The following UBE2E1 variants were observed in gnomAD, a reference collection of about 807,000 sequenced individuals.
The protein encoded by UBE2E1 is ubiquitin conjugating enzyme E2 E1, also known as ubiquitin-conjugating enzyme E2 E1.
A neutral mutation model predicts 21.4 loss-of-function variants in UBE2E1; 6 were observed. That is an observed-to-expected ratio of 0.28 (90% CI 0.15 to 0.55). The LOEUF (loss-of-function observed/expected upper bound fraction) is 0.55. Ranked by LOEUF, UBE2E1 falls within the 20% of genes least tolerant of loss-of-function variation. The pLI, the probability that UBE2E1 is intolerant of heterozygous loss-of-function variation, is 0.93. For synonymous variants in UBE2E1, 87 were observed against 82.7 expected, an observed-to-expected ratio of 1.05 and a Z score of -0.28; for missense variants, 142 against 236.5, an observed-to-expected ratio of 0.60 and a Z score of 2.62.
At chr3:23,852,492 G>A (rs1320210030) in intron 3 of UBE2E1, among the ~76,000 whole-genome samples, 3 of 152,114 alleles carry the variant, frequency 2.0e-5, no homozygotes, top group Non-Finnish European at 4.4e-5. Flanking sequence ...TTGTTTATTG[G>A]TCCTAAGAGC....
In UBE2E1 at chr3:23,807,330, C is replaced by G. The variant is rs771179273; in HGVS notation, c.61C>G (p.Gln21Glu). The stretch of plus-strand genomic sequence containing the variant: ...CTCCTCATCTTCGTCTTCCAACCAG[C>G]AAACCGAGAAAGAAACAAACACCCC... ...SSSSSSSSNQ[Q>E]TEKETNTPKK... is the part of the protein sequence containing the mutation. Residue 21 changes from glutamine (Q) to glutamate (E), a missense_variant, in exon 2 of 6, where the codon CAA becomes GAA. Physicochemically the swap from Gln to Glu is conservative, Grantham distance 29. Transcript: ENST00000306627. 4 of 1,613,872 alleles carry G rather than the reference C, an allele frequency of 2.5e-6. No homozygotes were observed. The highest frequency in any genetic ancestry group is 3.3e-5 in the Admixed American group (2 of 59,970).
intron 3 of UBE2E1, among the ~76,000 whole-genome samples, chr3:23,874,916 A>G (rs1197982458): frequency 6.6e-6 from 1 of 152,006 alleles, no homozygotes; most frequent in Non-Finnish European, 1.5e-5. Context: ...CCCCACGACT[A>G]CCCTGACAGG....
At chr3:23,862,009 CAT>C (rs1559488189) in intron 3 of UBE2E1, among the ~76,000 whole-genome samples, 1 of 152,260 alleles carries the variant, frequency 6.6e-6, no homozygotes, top group Non-Finnish European at 1.5e-5. Flanking sequence ...CATCCTGTAA[CAT>C]ATGCCCACTG....
At position 23,890,497 on chromosome 3, in the gene UBE2E1, C is replaced by G; in HGVS notation, c.485-12C>G. On this transcript the variant is annotated splice_polypyrimidine_tract_variant and intron_variant, in intron 5 of 5. Coordinates refer to ENST00000306627, the MANE Select transcript of UBE2E1 (RefSeq NM_003341.5). ...TCCTTTCTCCAAAGTAATCTACATT[C>G]TTTTCTTCCAGCCGACCCCTTGGTG... The G allele has an allele frequency of 6.2e-7, 1 of 1,608,018 alleles. No homozygotes were observed. The highest frequency in any genetic ancestry group is 2.2e-5 in the East Asian group (1 of 44,528).
At chr3:23,856,794 A>C (rs1487785079) in intron 3 of UBE2E1, among the ~76,000 whole-genome samples, 1 of 152,118 alleles carries the variant, frequency 6.6e-6, no homozygotes, top group Non-Finnish European at 1.5e-5. Flanking sequence ...CATGATTATC[A>C]AGAATGTTTC....
intron 3 of UBE2E1, among the ~76,000 whole-genome samples, chr3:23,880,239 T>A (rs1162704665): frequency 6.6e-6 from 1 of 152,112 alleles, no homozygotes; most frequent in Non-Finnish European, 1.5e-5. Flanking sequence ...AAAAATTAGC[T>A]GGGTGTGGTG....
intron 3 of UBE2E1, among the ~76,000 whole-genome samples, chr3:23,825,594 C>T (rs1010630406): frequency 5.3e-5 from 8 of 152,108 alleles, no homozygotes; most frequent in African/African-American, 1.4e-4. Context: ...TGAGTGACTG[C>T]GCAGGTTGGG....
Position 23,876,333 on chromosome 3 carries a change from T to C in UBE2E1, c.204-11234T>C, listed in dbSNP as rs1248206599. The stretch of plus-strand genomic sequence containing the variant: ...ACCCTGTTAGTTTCTTTAGTAAAGT[T>C]TTCTCATTTTTCAAGTTCCTTCTGC... On this transcript the variant is annotated intron_variant, in intron 3 of 5. Coordinates refer to ENST00000306627, the MANE Select transcript of UBE2E1 (RefSeq NM_003341.5). The surrounding 1 kb of genome is among the most constrained non-coding windows in gnomAD (Gnocchi z 4.3). Among the ~76,000 whole-genome samples, 1 of 152,190 alleles carries C rather than the reference T, an allele frequency of 6.6e-6. No homozygotes were observed. The highest frequency in any genetic ancestry group is 2.4e-5 in the African/African-American group (1 of 41,434).
At position 23,889,793 on chromosome 3, in the gene UBE2E1, G is replaced by A. The variant is rs940535102; in HGVS notation, c.484+534G>A. 4.1e-6 allele frequency: 4 copies of A among 982,938 alleles called. No individual in the cohort carries two copies. The Admixed American group carries it at 2.5e-4, about 61-fold the overall frequency. The allele number at this position is 982,938 out of a possible 1,614,324, so 60.9% of individuals were successfully genotyped here. A position where few individuals can be genotyped will look rare whatever the true frequency, so the allele number is the denominator to read the frequency against. ...TAGTCACAGCTACTAGGGTGGCTGA[G>A]GTGTCAGGATTGTTTGAACCCAGAA... On this transcript the variant is annotated intron_variant, in intron 5 of 5. Transcript: ENST00000306627.
chr3:23,820,733 T>C (rs1476012297), intron 3 of UBE2E1, among the ~76,000 whole-genome samples: 1 of 152,212 alleles, frequency 6.6e-6, no homozygotes, highest in Admixed American at 6.5e-5. Flanking sequence ...TCTGAGTCAT[T>C]ATTAAATTTT....
At chr3:23,818,389 A>G (rs1373653318) in intron 3 of UBE2E1, among the ~76,000 whole-genome samples, 1 of 152,172 alleles carries the variant, frequency 6.6e-6, no homozygotes, top group African/African-American at 2.4e-5. Context: ...TAGATTAGAC[A>G]AATTAAATAG....
At chr3:23,834,815 T>C (rs1699945337) in intron 3 of UBE2E1, among the ~76,000 whole-genome samples, 1 of 152,258 alleles carries the variant, frequency 6.6e-6, no homozygotes, top group African/African-American at 2.4e-5. Context: ...TGATGTTTTT[T>C]CTTACAGTTT....
At chr3:23,859,425 C>T (rs956166078) in intron 3 of UBE2E1, among the ~76,000 whole-genome samples, 13 of 152,338 alleles carry the variant, frequency 8.5e-5, no homozygotes, top group African/African-American at 2.9e-4. Context: ...TCCATATTAC[C>T]TGCTCCCACC....
chr3:23,830,398 C>G (rs1470526444), intron 3 of UBE2E1, among the ~76,000 whole-genome samples: 6 of 150,992 alleles, frequency 4.0e-5, no homozygotes, highest in Non-Finnish European at 7.4e-5. Flanking sequence ...AGAGTTATAC[C>G]AGTCGGGAGT....
chr3:23,879,329 C>A, intron 3 of UBE2E1: 2 of 736,274 alleles, frequency 2.7e-6, no homozygotes. Context: ...CCTTAATTTT[C>A]TCCGTGTTAA....
chr3:23,881,647 G>A (rs1222450631), intron 3 of UBE2E1, among the ~76,000 whole-genome samples: 2 of 152,220 alleles, frequency 1.3e-5, no homozygotes, highest in African/African-American at 4.8e-5. Context: ...GTGCTCAGGT[G>A]AAGACAGGGT....
rs1027554275 is a variant in UBE2E1 at position 23,886,014 on chromosome 3, T to C, written c.204-1553T>C. ...GAGTTCAAGACCAGCCTGGGCAACA[T>C]AGAGAGACCCCCATCTACACAAATT... On this transcript the variant is annotated intron_variant, in intron 3 of 5. Coordinates refer to ENST00000306627, the MANE Select transcript of UBE2E1 (RefSeq NM_003341.5). Among the ~76,000 whole-genome samples the C allele has an allele frequency of 3.3e-5, 5 of 151,716 alleles. No homozygotes were observed. The South Asian group carries it at 8.3e-4, about 25-fold the overall frequency.
chr3:23,819,084 A>G (rs1378603211), intron 3 of UBE2E1, among the ~76,000 whole-genome samples: 1 of 152,032 alleles, frequency 6.6e-6, no homozygotes, highest in African/African-American at 2.4e-5. Flanking sequence ...GGAGATTGAG[A>G]CCATCCTGGC....
In UBE2E1 at chr3:23,882,664, G is replaced by A. The variant is rs115570404; in HGVS notation, c.204-4903G>A. ...GAGGCTCGGGCCTGGCAGGCTGCACGTCTCAAGCCCTGCCCCACGGGGAGG... is the reference window on the plus strand; with the variant it reads ...GAGGCTCGGGCCTGGCAGGCTGCACATCTCAAGCCCTGCCCCACGGGGAGG... On this transcript the variant is annotated intron_variant, in intron 3 of 5. Coordinates refer to ENST00000306627, the MANE Select transcript of UBE2E1 (RefSeq NM_003341.5). Among the ~76,000 whole-genome samples the A allele has an allele frequency of 5.9e-3, 903 of 152,270 alleles. 9 individuals are homozygous for A. Among genetic ancestry groups the A allele is most frequent in the African/African-American group, 0.02 (843 of 41,550 alleles).
Sources: allele counts gnomAD v4.1 joint callset (sites outside exome capture counted in the v4.1 genomes callset), GRCh38; gene constraint gnomAD v4.1.1; non-coding constraint Gnocchi (gnomAD v3.1); transcripts MANE v1.5; gene names NCBI Gene and HGNC (gene_info 2026-07-23, HGNC 2026-07-21).